The following CADM2 variants were observed in gnomAD, a reference collection of about 807,000 sequenced individuals.
CADM2 encodes immunoglobulin superfamily member 4D.
CADM2 carries 12 observed loss-of-function variants against 49.8 expected under a neutral mutation model. The observed-to-expected ratio is 0.24, with a 90% CI of 0.15 to 0.39. CADM2 has a LOEUF of 0.39. CADM2 is among the 10% of genes least tolerant of loss of function. The pLI, the probability that CADM2 is intolerant of heterozygous loss-of-function variation, is 1.00. For missense variants in CADM2, 378 were observed against 492.3 expected (o/e 0.77, Z 2.20); for synonymous variants, 214 against 175.4 (o/e 1.22, Z -1.74).
chr3:85,068,855 A>G (rs1230146489), intron 1 of CADM2, among the ~76,000 whole-genome samples: 1 of 151,936 alleles, frequency 6.6e-6, no homozygotes, highest in African/African-American at 2.4e-5. Flanking sequence ...CTAACTTAGT[A>G]TACCACATCA....
At chr3:85,885,266 G>A (rs1193142984) in intron 4 of CADM2, among the ~76,000 whole-genome samples, 1 of 151,902 alleles carries the variant, frequency 6.6e-6, no homozygotes, top group Non-Finnish European at 1.5e-5. Context: ...GCCAGGCACG[G>A]TGGCTCTTGC....
intron 1 of CADM2, among the ~76,000 whole-genome samples, chr3:85,552,379 T>C (rs1383500396): frequency 7.1e-6 from 1 of 141,750 alleles, no homozygotes; most frequent in African/African-American, 2.7e-5. Flanking sequence ...TTTTTTTTTT[T>C]TTTTTTTTTT....
intron 8 of CADM2, among the ~76,000 whole-genome samples, chr3:86,039,809 G>C (rs1398096219): frequency 6.7e-6 from 1 of 149,148 alleles, no homozygotes; most frequent in East Asian, 2.0e-4. Context: ...TGACCCCTGA[G>C]TAGCCTAATT....
chr3:85,050,612 T>C (rs1309186449), intron 1 of CADM2, among the ~76,000 whole-genome samples: 2 of 152,132 alleles, frequency 1.3e-5, no homozygotes, highest in Non-Finnish European at 2.9e-5. Context: ...AGAAATAAAA[T>C]GGCTTGCACA....
intron 1 of CADM2, among the ~76,000 whole-genome samples, chr3:85,333,550 G>C (rs534956112): frequency 6.6e-6 from 1 of 151,816 alleles, no homozygotes; most frequent in East Asian, 1.9e-4. Context: ...CTGCCTGTTT[G>C]CACATTAAAT....
At chr3:85,393,748 T>G (rs1473348981) in intron 1 of CADM2, among the ~76,000 whole-genome samples, 1 of 151,436 alleles carries the variant, frequency 6.6e-6, no homozygotes, top group Middle Eastern at 3.4e-3. Flanking sequence ...TGCGTAAATC[T>G]CCATTAAGAT....
At chr3:85,119,905 C>T (rs992712778) in intron 1 of CADM2, among the ~76,000 whole-genome samples, 17 of 152,068 alleles carry the variant, frequency 1.1e-4, no homozygotes, top group African/African-American at 3.1e-4. Flanking sequence ...AGGCAACCTA[C>T]GGAATGGGAG....
intron 1 of CADM2, among the ~76,000 whole-genome samples, chr3:84,991,987 G>T (rs548001026): frequency 6.6e-6 from 1 of 152,202 alleles, no homozygotes; most frequent in Admixed American, 6.5e-5. Flanking sequence ...GTTACTAGGT[G>T]TTAGGGAAGA....
At chr3:85,078,167 A>G (rs72903389) in intron 1 of CADM2, among the ~76,000 whole-genome samples, 10,123 of 151,998 alleles carry the variant, frequency 0.067, 471 homozygotes, top group African/African-American at 0.13. Context: ...AACTCTAAGA[A>G]TTTTTGCATT....
intron 8 of CADM2, among the ~76,000 whole-genome samples, chr3:85,982,337 A>C (rs1051485284): frequency 1.3e-5 from 2 of 151,682 alleles, no homozygotes; most frequent in Admixed American, 1.3e-4. Context: ...AAGAAGACAC[A>C]CATGCGTACA....
At chr3:85,709,887 T>C (rs1440937212) in intron 1 of CADM2, among the ~76,000 whole-genome samples, 1 of 152,138 alleles carries the variant, frequency 6.6e-6, no homozygotes, top group South Asian at 2.1e-4. Context: ...GGAGTAGTCA[T>C]AGTTGTGTTG....
At chr3:85,087,730 C>T (rs1487636527) in intron 1 of CADM2, among the ~76,000 whole-genome samples, 1 of 152,036 alleles carries the variant, frequency 6.6e-6, no homozygotes, top group African/African-American at 2.4e-5. Flanking sequence ...ATTGAATGCA[C>T]ACATGTTGAT....
chr3:86,048,071 A>G (rs1736880728), intron 8 of CADM2, among the ~76,000 whole-genome samples: 1 of 152,158 alleles, frequency 6.6e-6, no homozygotes, highest in African/African-American at 2.4e-5. Context: ...AAAAACATTA[A>G]AATAATATAC....
rs572776319 is a variant in CADM2, at chr3:85,908,698, T to C, written c.530-3675T>C. 3.3e-5 allele frequency among the ~76,000 whole-genome samples: 5 copies of C among 151,130 alleles called. No homozygotes were observed. In the South Asian group the frequency reaches 6.3e-4, roughly 19 times the overall value. ...ATCCCTCTAATTACTCTCCACTCAA[T>C]TGTAATTATTATAATAACTTACGGT... On this transcript the variant is annotated intron_variant, in intron 5 of 9. Transcript: ENST00000383699.
intron 3 of CADM2, among the ~76,000 whole-genome samples, chr3:85,882,147 T>C: frequency 6.7e-6 from 1 of 148,816 alleles, no homozygotes; most frequent in African/African-American, 2.5e-5. Flanking sequence ...GGTAGAGACA[T>C]CCCCCCGCCC....
chr3:85,251,460 A>C (rs1344751484), intron 1 of CADM2, among the ~76,000 whole-genome samples: 1 of 151,924 alleles, frequency 6.6e-6, no homozygotes, highest in East Asian at 1.9e-4. Flanking sequence ...TCAATTAATT[A>C]TTTCATTAAT....
intron 8 of CADM2, among the ~76,000 whole-genome samples, chr3:85,973,419 T>C (rs544044063): frequency 2.0e-4 from 30 of 151,846 alleles, no homozygotes; most frequent in Non-Finnish European, 4.0e-4. Context: ...ATTGAAAGCA[T>C]AGAGCTAGCC....
intron 1 of CADM2, among the ~76,000 whole-genome samples, chr3:85,357,585 A>G (rs4856269): frequency 0.61 from 92,096 of 151,844 alleles, 28,622 homozygotes; most frequent in East Asian, 0.81. Flanking sequence ...CTCAAGTTCT[A>G]TAATATCATT....
intron 1 of CADM2, among the ~76,000 whole-genome samples, chr3:85,705,231 G>GAA (rs56832861): frequency 2.1e-5 from 3 of 139,826 alleles, no homozygotes; most frequent in African/African-American, 7.9e-5. Context: ...TTTTCATCAT[G>GAA]AAAAAAAAAA....
Sources: allele counts gnomAD v4.1 joint callset (sites outside exome capture counted in the v4.1 genomes callset), GRCh38; gene constraint gnomAD v4.1.1; transcripts MANE v1.5; gene names NCBI Gene and HGNC (gene_info 2026-07-23, HGNC 2026-07-21).